GPRIN3: variants seen among roughly 807,000 people sequenced by gnomAD.
GPRIN3 encodes the protein G protein-regulated inducer of neurite outgrowth 3.
A neutral mutation model predicts 13.7 loss-of-function variants in GPRIN3; 12 were observed. That is an observed-to-expected ratio of 0.87 (90% CI 0.56 to 1.42). The LOEUF (loss-of-function observed/expected upper bound fraction) is 1.42, where lower values mean the gene tolerates loss of function less well. Ranked by LOEUF, GPRIN3 falls within the 40% of genes most tolerant of loss-of-function variation. The pLI is 0.00. For synonymous variants in GPRIN3, 377 were observed against 372.7 expected, an observed-to-expected ratio of 1.01 and a Z score of -0.13; for missense variants, 1,009 against 958.7, an observed-to-expected ratio of 1.05 and a Z score of -0.69.
chr4:89,300,648 C>A (rs1263408779), intron 1 of GPRIN3, among the ~76,000 whole-genome samples: 1 of 152,110 alleles, frequency 6.6e-6, no homozygotes, highest in Non-Finnish European at 1.5e-5. Context: ...CTCTGAGAAT[C>A]CACTTGGGTA....
At chr4:89,285,202 G>T (rs1373130446) in intron 1 of GPRIN3, among the ~76,000 whole-genome samples, 2 of 142,576 alleles carry the variant, frequency 1.4e-5, no homozygotes, top group East Asian at 2.2e-4. Context: ...GGCGGGGTCG[G>T]TTGGGGGGTC....
chr4:89,271,039 T>C (rs78060189), intron 1 of GPRIN3, among the ~76,000 whole-genome samples: 5,335 of 152,254 alleles, frequency 0.035, 136 homozygotes, highest in Non-Finnish European at 0.051. Context: ...GGAAGTTGAT[T>C]AGTGGCCTGA....
chr4:89,242,647 C>T lies in GPRIN3; in HGVS notation c.*5133G>A, dbSNP rs1168836584. 6.6e-6 allele frequency: 1 copy of T among 152,138 alleles called. No homozygotes were observed. Among genetic ancestry groups the T allele is most frequent in the African/African-American group, 2.4e-5 (1 of 41,422 alleles). The allele number at this position is 152,138 out of a possible 1,614,324, so 9.4% of individuals were successfully genotyped here. ...TTTTATCCTGTGGGTTACAGTCAGT[C>T]TTCATAAAGCAAACCATCATTATAT... On this transcript the variant is annotated 3_prime_UTR_variant, in exon 2 of 2. Transcript: ENST00000609438.
rs1264801167 is a variant in GPRIN3, at chr4:89,240,768, A to T, written c.*7012T>A. The T allele has an allele frequency of 6.6e-6, 1 of 152,220 alleles. No homozygotes were observed. Among genetic ancestry groups the T allele is most frequent in the East Asian group, 1.9e-4 (1 of 5,200 alleles). The allele number at this position is 152,220 out of a possible 1,614,324, so 9.4% of individuals were successfully genotyped here. A position where few individuals can be genotyped will look rare whatever the true frequency, so the allele number is the denominator to read the frequency against. Reference sequence around the variant, plus strand: ...TGTAAAACAGAGCAGTCATGGAAATATGCAACTTTCAATTAGTGGTTTTAA... The same window carrying T: ...TGTAAAACAGAGCAGTCATGGAAATTTGCAACTTTCAATTAGTGGTTTTAA... On this transcript the variant is annotated 3_prime_UTR_variant, in exon 2 of 2. Coordinates refer to ENST00000609438, the MANE Select transcript of GPRIN3 (RefSeq NM_198281.3).
chr4:89,306,058 G>A (rs941597699), intron 1 of GPRIN3, among the ~76,000 whole-genome samples: 4 of 149,130 alleles, frequency 2.7e-5, no homozygotes, highest in African/African-American at 9.8e-5. Context: ...TGCAATTGCT[G>A]TTTTTTTTTT....
At position 89,237,773 on chromosome 4, in the gene GPRIN3, G is replaced by A. The variant is rs1383752041; in HGVS notation, c.*10007C>T. The A allele has an allele frequency of 6.6e-6, 1 of 152,194 alleles. No individual in the cohort carries two copies. The highest frequency in any genetic ancestry group is 2.4e-5 in the African/African-American group (1 of 41,450). The allele number at this position is 152,194 out of a possible 1,614,324, so 9.4% of individuals were successfully genotyped here. Reference sequence around the variant, plus strand: ...AAGGCAAACCCTTCACAAGAAACAAGAGGTATTTTGAGTTCACAATCAGTC... The same window carrying A: ...AAGGCAAACCCTTCACAAGAAACAAAAGGTATTTTGAGTTCACAATCAGTC... On this transcript the variant is annotated 3_prime_UTR_variant, in exon 2 of 2. Coordinates refer to ENST00000609438, the MANE Select transcript of GPRIN3 (RefSeq NM_198281.3).
At position 89,262,855 on chromosome 4, in the gene GPRIN3, T is replaced by C. The variant is rs545582511; in HGVS notation, c.-123-12622A>G. Among the ~76,000 whole-genome samples the C allele has an allele frequency of 2.6e-5, 4 of 152,314 alleles. No individual in the cohort carries two copies. The South Asian group carries it at 8.3e-4, about 32-fold the overall frequency. On this transcript the variant is annotated intron_variant, in intron 1 of 1. Transcript: ENST00000609438. ...CCTACTTTCCTATTCCTGGTAGCTC[T>C]AGCAGTTGGTTTTCAAATCATACAT...
Position 89,272,839 on chromosome 4 carries a change from C to T in GPRIN3, c.-123-22606G>A, listed in dbSNP as rs149849357. ...TTCAATTCTATTCCATTTAAAAATG[C>T]TCACTGAAACTCACCAAATTGATAT... is the stretch of plus-strand genomic sequence containing the variant. On this transcript the variant is annotated intron_variant, in intron 1 of 1. Transcript: ENST00000609438. Among the ~76,000 whole-genome samples, 53 of 152,264 alleles carry T rather than the reference C, an allele frequency of 3.5e-4. No homozygotes were observed. In the East Asian group the frequency reaches 9.7e-3, roughly 28 times the overall value.
chr4:89,263,962 A>T (rs1018911827), intron 1 of GPRIN3, among the ~76,000 whole-genome samples: 11 of 152,234 alleles, frequency 7.2e-5, no homozygotes, highest in African/African-American at 2.7e-4. Context: ...CATTTTTGAA[A>T]GGTAATTTTG....
At chr4:89,279,975 C>A (rs998315921) in intron 1 of GPRIN3, among the ~76,000 whole-genome samples, 1 of 152,298 alleles carries the variant, frequency 6.6e-6, no homozygotes, top group East Asian at 1.9e-4. Context: ...CTATTGATAT[C>A]GTAAATTAAA....
intron 1 of GPRIN3, among the ~76,000 whole-genome samples, chr4:89,260,213 T>G (rs1230862082): frequency 6.6e-6 from 1 of 152,112 alleles, no homozygotes; most frequent in Non-Finnish European, 1.5e-5. Flanking sequence ...GATGGTGCCT[T>G]GGGGGCTCTT....
rs1413295546 is a variant in GPRIN3, at chr4:89,245,298, G to A, written c.*2482C>T. 6.6e-6 allele frequency: 1 copy of A among 152,190 alleles called. No individual in the cohort carries two copies. The highest frequency in any genetic ancestry group is 1.5e-5 in the Non-Finnish European group (1 of 68,046). 9.4% of individuals were successfully genotyped at this position (152,190 alleles called of 1,614,324 possible). On this transcript the variant is annotated 3_prime_UTR_variant, in exon 2 of 2. Transcript: ENST00000609438. ...AATATTTTGTGACAATCTCTTGAGT[G>A]TTGTAGAAGTGAAGAATTTGGTCCC...
At position 89,240,022 on chromosome 4, in the gene GPRIN3, G is replaced by T. The variant is rs942698254; in HGVS notation, c.*7758C>A. 4.6e-5 allele frequency: 7 copies of T among 152,120 alleles called. No individual in the cohort carries two copies. The highest frequency in any genetic ancestry group is 1.7e-4 in the African/African-American group (7 of 41,436). The allele number at this position is 152,120 out of a possible 1,614,324, so 9.4% of individuals were successfully genotyped here. The stretch of plus-strand genomic sequence containing the variant: ...TAATTTTTAGTGTCGAGGATTCAAG[G>T]TCAAATTGTGTTAGGTTTTAAGAAC... On this transcript the variant is annotated 3_prime_UTR_variant, in exon 2 of 2. Transcript: ENST00000609438.
At chr4:89,267,796 G>A (rs1723821381) in intron 1 of GPRIN3, among the ~76,000 whole-genome samples, 2 of 152,208 alleles carry the variant, frequency 1.3e-5, no homozygotes, top group South Asian at 4.1e-4. Flanking sequence ...ACAGGAGGGA[G>A]GACATTAGAG....
intron 1 of GPRIN3, among the ~76,000 whole-genome samples, chr4:89,283,748 T>G (rs1454537898): frequency 6.6e-6 from 1 of 152,042 alleles, no homozygotes; most frequent in Non-Finnish European, 1.5e-5. Context: ...GAAAGGGCAT[T>G]TCAGGTGCAT....
Position 89,248,482 on chromosome 4 carries a change from A to C in GPRIN3, c.1629T>G (p.Pro543=). Residue 543 remains proline (P), a synonymous_variant, in exon 2 of 2, where the codon CCT becomes CCG. Coordinates refer to ENST00000609438, the MANE Select transcript of GPRIN3 (RefSeq NM_198281.3). Reference sequence around the variant, plus strand: ...TAGACTCTTTTTCTTTTACTACCTGAGGAGATGCAGGCTTCTTTTCCCTTG... The same window carrying C: ...TAGACTCTTTTTCTTTTACTACCTGCGGAGATGCAGGCTTCTTTTCCCTTG... ...GDAREKKPAS[P]QVVKEKESTG... The C allele has an allele frequency of 1.2e-6, 2 of 1,612,598 alleles. No homozygotes were observed. Among genetic ancestry groups the C allele is most frequent in the Non-Finnish European group, 1.7e-6 (2 of 1,179,408 alleles).
At chr4:89,258,311 G>A (rs1318211365) in intron 1 of GPRIN3, among the ~76,000 whole-genome samples, 3 of 151,716 alleles carry the variant, frequency 2.0e-5, no homozygotes, top group African/African-American at 4.8e-5. Context: ...CCACCTCCTG[G>A]GTTCAAGCAA....
intron 1 of GPRIN3, among the ~76,000 whole-genome samples, chr4:89,296,864 CTGTG>C (rs1724752517): frequency 6.6e-6 from 1 of 152,168 alleles, no homozygotes; most frequent in Non-Finnish European, 1.5e-5. Context: ...TGAACTCACC[CTGTG>C]TTTTTTTAAA....
At chr4:89,283,070 C>T (rs560316591) in intron 1 of GPRIN3, among the ~76,000 whole-genome samples, 3 of 152,106 alleles carry the variant, frequency 2.0e-5, no homozygotes, top group African/African-American at 7.2e-5. Context: ...ATAGCCAAGG[C>T]CTTTAGTGTT....
Sources: gnomAD v4.1 joint callset for allele counts (sites outside exome capture counted in the v4.1 genomes callset) on GRCh38, gnomAD v4.1.1 for gene constraint, MANE v1.5 for transcripts, NCBI Gene and HGNC (gene_info 2026-07-23, HGNC 2026-07-21) for gene names.